The following DLK2 variants were observed in gnomAD, a reference collection of about 807,000 sequenced individuals.
DLK2 encodes the protein delta like non-canonical Notch ligand 2.
DLK2 carries 9 observed loss-of-function variants against 31.3 expected under a neutral mutation model. That is an observed-to-expected ratio of 0.29 (90% CI 0.17 to 0.50). DLK2 has a LOEUF of 0.50. Among genes scored for constraint, DLK2 ranks in the 20% least tolerant of loss-of-function variants. The pLI, the probability that DLK2 is intolerant of heterozygous loss-of-function variation, is 0.98. For synonymous variants in DLK2, 169 were observed against 201.2 expected (o/e 0.84, Z 1.35); for missense variants, 387 against 526.1 (o/e 0.74, Z 2.59).
intron 2 of DLK2, 104 bp downstream of exon 2, chr6:43,454,646 C>T: frequency 6.9e-7 from 1 of 1,442,410 alleles, no homozygotes; most frequent in South Asian, 1.2e-5. Flanking sequence ...TTGCTTGCCC[C>T]GCGGGTCGGA....
chr6:43,452,567 T>C (rs1211103999), intron 4 of DLK2, among the ~76,000 whole-genome samples: 1 of 152,096 alleles, frequency 6.6e-6, no homozygotes, highest in Non-Finnish European at 1.5e-5. Flanking sequence ...AATACAAAAA[T>C]TAGCTGAAGT....
intron 3 of DLK2, among the ~76,000 whole-genome samples, chr6:43,454,142 A>G (rs1307736472): frequency 6.6e-6 from 1 of 152,048 alleles, no homozygotes; most frequent in Non-Finnish European, 1.5e-5. Context: ...ATGGCACCCA[A>G]TCCCCAAGCT....
intron 4 of DLK2, 78 bp downstream of exon 4, chr6:43,452,927 G>T (rs1334689376): frequency 3.2e-6 from 5 of 1,570,214 alleles, no homozygotes; most frequent in Middle Eastern, 3.4e-4. Context: ...GGACAAAATA[G>T]GCACTCAATA....
In DLK2 at chr6:43,451,255, C is replaced by T. The variant is rs1195685042; in HGVS notation, c.436G>A (p.Gly146Arg). ...EQAGSPCRNG[G>R]QCQDDQGFAL... ...AAGCCCTGGTCGTCCTGGCACTGCC[C>T]GCCATTGCGGCATGGGGAGCTGTGG... Residue 146 changes from glycine (G) to arginine (R), a missense_variant, in exon 6 of 6, where the codon GGG becomes AGG. By Grantham distance (125) the Gly-to-Arg change is moderately radical. Transcript: ENST00000372488. The surrounding 1 kb of genome is among the most constrained non-coding windows in gnomAD (Gnocchi z 4.4). The T allele has an allele frequency of 1.9e-6, 3 of 1,613,950 alleles. No individual in the cohort carries two copies. Among genetic ancestry groups the T allele is most frequent in the Non-Finnish European group, 1.7e-6 (2 of 1,179,936 alleles).
chr6:43,450,690 C>T lies in DLK2; in HGVS notation c.1001G>A (p.Arg334Gln), dbSNP rs147136107. 9.7e-5 allele frequency: 156 copies of T among 1,613,968 alleles called. No individual in the cohort carries two copies. The East Asian group carries it at 2.0e-3, about 21-fold the overall frequency. ...ACAGGGTCCAGGGGGGCAGACACCCCGGCGCCAGGCCCTCAGGGTCAGCAA... is the reference window on the plus strand; with the variant it reads ...ACAGGGTCCAGGGGGGCAGACACCCTGGCGCCAGGCCCTCAGGGTCAGCAA... The part of the protein sequence containing the change: ...TVLLTLRAWR[R>Q]GVCPPGPCCY... The change falls in exon 6 of 6, where the codon CGG (arginine) becomes CAG (glutamine). Residue 334 changes from arginine (R) to glutamine (Q), a missense_variant. Physicochemically the swap from Arg to Gln is conservative, Grantham distance 43. Coordinates refer to ENST00000372488, the MANE Select transcript of DLK2 (RefSeq NM_023932.4). This position sits in a 1 kb window ranked among gnomAD's most constrained non-coding sequence, Gnocchi z 4.5.
upstream of DLK2, chr6:43,456,209 G>A (rs1441306939): frequency 1.3e-5 from 2 of 152,362 alleles, no homozygotes; most frequent in East Asian, 3.9e-4. Flanking sequence ...TCTGGACTGG[G>A]AATGCCCCTG....
In DLK2 at chr6:43,450,854, G is replaced by C. The variant is rs770681753; in HGVS notation, c.837C>G (p.Pro279=). The change falls in exon 6 of 6, where the codon CCC becomes CCG. Residue 279 remains proline, a synonymous_variant. Coordinates refer to ENST00000372488, the MANE Select transcript of DLK2 (RefSeq NM_023932.4). This position sits in a 1 kb window ranked among gnomAD's most constrained non-coding sequence, Gnocchi z 4.5. ...GCAGCAGACCAGCCCCTGCGCTGTG[G>C]GGGGCTGGCCCCGTGGCAGGTACCA... ...AVVVPATGPA[P]HSAGAGLLRI... The C allele has an allele frequency of 2.5e-6, 4 of 1,614,186 alleles. No individual in the cohort carries two copies. Among genetic ancestry groups the C allele is most frequent in the Admixed American group, 1.7e-5 (1 of 60,030 alleles).
rs946126417 is a variant in DLK2 at position 43,450,439 on chromosome 6, C to T, written c.*100G>A. 6.7e-6 allele frequency: 9 copies of T among 1,351,778 alleles called. No individual in the cohort carries two copies. The highest frequency in any genetic ancestry group is 9.0e-6 in the Non-Finnish European group (9 of 1,001,698). 83.7% of individuals were successfully genotyped at this position (1,351,778 alleles called of 1,614,324 possible). On this transcript the variant is annotated 3_prime_UTR_variant, in exon 6 of 6. Transcript: ENST00000372488. This position sits in a 1 kb window ranked among gnomAD's most constrained non-coding sequence, Gnocchi z 4.5. Reference sequence around the variant, plus strand: ...TATTTCTGGTGTGAGGCTGAGGTCTCCTCTGTGTGTGTACCCAAGCTGAAG... The same window carrying T: ...TATTTCTGGTGTGAGGCTGAGGTCTTCTCTGTGTGTGTACCCAAGCTGAAG...
intron 4 of DLK2, 122 bp from the exon 5 acceptor site, chr6:43,452,206 G>C: frequency 7.1e-7 from 1 of 1,412,906 alleles, no homozygotes; most frequent in Non-Finnish European, 9.6e-7. Context: ...CCCAGCCCAG[G>C]CTGGCGTGGT....
Position 43,453,141 on chromosome 6 carries a change from G to A in DLK2, c.141-6C>T, listed in dbSNP as rs372038653. 19 of 1,593,904 alleles carry A rather than the reference G, an allele frequency of 1.2e-5. No individual in the cohort carries two copies. The highest frequency in any genetic ancestry group is 8.1e-5 in the African/African-American group (6 of 74,480). The stretch of plus-strand genomic sequence containing the variant: ...CCTCCCAGCCCGGGTCACACCTGAC[G>A]GGGAGAAGCACAGGGTCAGGGCTCT... On this transcript the variant is annotated splice_region_variant and splice_polypyrimidine_tract_variant and intron_variant, in intron 3 of 5. Coordinates refer to ENST00000372488, the MANE Select transcript of DLK2 (RefSeq NM_023932.4). This position sits in a 1 kb window ranked among gnomAD's most constrained non-coding sequence, Gnocchi z 4.1.
rs1412745444 is a variant in DLK2, at chr6:43,451,142, A to G, written c.549T>C (p.Cys183=). 1.4e-5 allele frequency: 22 copies of G among 1,614,216 alleles called. No homozygotes were observed. Among genetic ancestry groups the G allele is most frequent in the East Asian group, 2.2e-5 (1 of 44,878 alleles). ...CGTCAAGGCAGGTGGCACCGTTAGC[A>G]CAAGGCCGCATCAGGCAGTCATCCA... ...VNVDDCLMRP[C]ANGATCLDGI... is the part of the protein sequence containing the mutation. The change falls in exon 6 of 6, where the codon TGT becomes TGC. Residue 183 remains cysteine (C), a synonymous_variant. Coordinates refer to ENST00000372488, the MANE Select transcript of DLK2 (RefSeq NM_023932.4). This position sits in a 1 kb window ranked among gnomAD's most constrained non-coding sequence, Gnocchi z 4.4.
chr6:43,455,629 C>A (rs1191105518), upstream of DLK2: 1 of 134,620 alleles, frequency 7.4e-6, no homozygotes, highest in African/African-American at 2.7e-5. Flanking sequence ...GGAGCCCGCC[C>A]CCACCCCCAT....
At chr6:43,452,514 G>A (rs917339860) in intron 4 of DLK2, among the ~76,000 whole-genome samples, 1 of 151,900 alleles carries the variant, frequency 6.6e-6, no homozygotes, top group Non-Finnish European at 1.5e-5. Flanking sequence ...TCAGGAGTTC[G>A]AGACCAGCCT....
chr6:43,452,773 T>G (rs750717462), intron 4 of DLK2, among the ~76,000 whole-genome samples: 1 of 152,196 alleles, frequency 6.6e-6, no homozygotes, highest in Non-Finnish European at 1.5e-5. Flanking sequence ...TGGGCCTTAG[T>G]TTCCTCATCT....
In DLK2 at chr6:43,451,861, C is replaced by T. The variant is rs550295163; in HGVS notation, c.416+79G>A. The T allele has an allele frequency of 5.1e-6, 8 of 1,561,912 alleles. No individual in the cohort carries two copies. The highest frequency in any genetic ancestry group is 6.1e-6 in the Non-Finnish European group (7 of 1,154,424). On this transcript the variant is annotated intron_variant, in intron 5 of 5. Transcript: ENST00000372488. This position sits in a 1 kb window ranked among gnomAD's most constrained non-coding sequence, Gnocchi z 4.4. ...TCTGACTCTCAGTCCCCCACCCTCCCAACAGTCCTGCCTCTTTTCTCATCC... is the reference window on the plus strand; with the variant it reads ...TCTGACTCTCAGTCCCCCACCCTCCTAACAGTCCTGCCTCTTTTCTCATCC...
intron 1 of DLK2, 80 bp downstream of exon 1, chr6:43,455,315 C>CT (rs1783938903): frequency 6.5e-6 from 1 of 153,402 alleles, no homozygotes; most frequent in African/African-American, 2.5e-5. Context: ...CCCACGTCCC[C>CT]TTTCTATCTC....
At chr6:43,452,112 G>C in intron 4 of DLK2, 28 bp from the exon 5 acceptor site, 1 of 1,613,476 alleles carries the variant, frequency 6.2e-7, no homozygotes, top group Non-Finnish European at 8.5e-7. Context: ...AAGGCTCTGG[G>C]ATAACCCCTC....
Position 43,451,351 on chromosome 6 carries a change from A to G in DLK2, c.417-77T>C. On this transcript the variant is annotated intron_variant, in intron 5 of 5. Transcript: ENST00000372488. The surrounding 1 kb of genome is among the most constrained non-coding windows in gnomAD (Gnocchi z 4.4). ...GGCAGCCCAGGTCAGTATCCTGACC[A>G]CTGCCCGCCATGTCATCTTGGGCTA... The G allele has an allele frequency of 1.3e-6, 2 of 1,500,594 alleles. No homozygotes were observed. Among genetic ancestry groups the G allele is most frequent in the South Asian group, 1.3e-5 (1 of 76,546 alleles). 93.0% of individuals were successfully genotyped at this position (1,500,594 alleles called of 1,614,324 possible).
chr6:43,455,112 C>G (rs1365843207), intron 1 of DLK2: 2 of 984,106 alleles, frequency 2.0e-6, no homozygotes, highest in Admixed American at 6.2e-5. Flanking sequence ...CATCGCGGAG[C>G]GAGGCCAGGC....
Sources: allele counts gnomAD v4.1 joint callset (sites outside exome capture counted in the v4.1 genomes callset), GRCh38; gene constraint gnomAD v4.1.1; non-coding constraint Gnocchi (gnomAD v3.1); transcripts MANE v1.5; gene names NCBI Gene and HGNC (gene_info 2026-07-23, HGNC 2026-07-21).